Variants in DSE observed in about 807,000 individuals in gnomAD.
The protein encoded by DSE is dermatan-sulfate epimerase.
In DSE, 36 loss-of-function variants were observed where a neutral mutation model predicts 84.4. The observed-to-expected ratio is 0.43, with a 90% CI of 0.33 to 0.56. The LOEUF (loss-of-function observed/expected upper bound fraction) is 0.56, where lower values mean the gene tolerates loss of function less well. Among genes scored for constraint, DSE ranks in the 20% least tolerant of loss-of-function variants. The pLI, the probability that DSE is intolerant of heterozygous loss-of-function variation, is 0.06. For synonymous variants in DSE, 410 were observed against 430.1 expected (o/e 0.95, Z 0.58); for missense variants, 862 against 1,169.6 (o/e 0.74, Z 3.84).
intron 1 of DSE, among the ~76,000 whole-genome samples, chr6:116,258,067 G>C (rs1365365176): frequency 2.0e-5 from 3 of 152,164 alleles, no homozygotes; most frequent in Non-Finnish European, 2.9e-5. Flanking sequence ...CAGCCAGGCT[G>C]GAGTGCAGTG....
intron 2 of DSE, among the ~76,000 whole-genome samples, chr6:116,299,439 C>A (rs1180390473): frequency 6.7e-6 from 1 of 148,248 alleles, no homozygotes. Flanking sequence ...AAGAAAGTGC[C>A]CCAAAGGTAT....
At chr6:116,357,937 G>A (rs192108999) in intron 2 of DSE, among the ~76,000 whole-genome samples, 39 of 152,308 alleles carry the variant, frequency 2.6e-4, no homozygotes, top group Non-Finnish European at 1.5e-5. Context: ...GTCAAGTATA[G>A]AATTTATAGG....
rs932182945 is a variant in DSE at position 116,437,567 on chromosome 6, G to A, written c.*222G>A. ...GCTTGGTGGTCCTATGGTGTTTTTG[G>A]AAGTATTTGGCATTGCTAATTGAGC... is the stretch of plus-strand genomic sequence containing the variant. On this transcript the variant is annotated 3_prime_UTR_variant, in exon 6 of 6. Transcript: ENST00000644252. The A allele has an allele frequency of 8.3e-6, 4 of 482,334 alleles. No individual in the cohort carries two copies. Among genetic ancestry groups the A allele is most frequent in the Non-Finnish European group, 1.4e-5 (4 of 277,956 alleles). 29.9% of individuals were successfully genotyped at this position (482,334 alleles called of 1,614,324 possible).
intron 2 of DSE, among the ~76,000 whole-genome samples, chr6:116,408,692 A>C (rs112695797): frequency 2.6e-4 from 40 of 152,314 alleles, no homozygotes; most frequent in African/African-American, 9.4e-4. Context: ...AGTAGGAAGA[A>C]TGTCAGGATT....
intron 5 of DSE, among the ~76,000 whole-genome samples, chr6:116,434,407 G>A (rs1395949536): frequency 6.6e-6 from 1 of 151,882 alleles, no homozygotes; most frequent in Non-Finnish European, 1.5e-5. Context: ...GTAAAATGGT[G>A]TCTATAGTTT....
rs376314468 is a variant in DSE, at chr6:116,265,587, C to T, written c.-54+6620C>T. The stretch of plus-strand genomic sequence containing the variant: ...GGCTGGCACATGGCTGTAGTGGCCA[C>T]CCCACTGGAGCTCCCTGCTGGTTAA... On this transcript the variant is annotated intron_variant, in intron 2 of 3. Transcript: ENST00000430252. Among the ~76,000 whole-genome samples, 237 of 152,142 alleles carry T rather than the reference C, an allele frequency of 1.6e-3. 1 individual carries two copies. The highest frequency in any genetic ancestry group is 5.4e-3 in the African/African-American group (224 of 41,494).
intron 1 of DSE, among the ~76,000 whole-genome samples, chr6:116,372,585 A>G (rs113347943): frequency 1.3e-5 from 2 of 152,360 alleles, no homozygotes; most frequent in African/African-American, 4.8e-5. Flanking sequence ...GAAGAAAATA[A>G]AATATAGGAT....
chr6:116,432,618 T>G (rs554671007), intron 4 of DSE: 1 of 149,114 alleles, frequency 6.7e-6, no homozygotes, highest in East Asian at 2.0e-4. Context: ...ATTTCTCTCT[T>G]TTTTTTTTTT....
chr6:116,348,375 C>T (rs1188890442), intron 2 of DSE, among the ~76,000 whole-genome samples: 3 of 151,160 alleles, frequency 2.0e-5, no homozygotes, highest in Non-Finnish European at 4.4e-5. Context: ...TGAAGTGAGC[C>T]GAGATCGTGC....
At chr6:116,425,712 T>A (rs1007578617) in intron 2 of DSE, among the ~76,000 whole-genome samples, 1 of 149,980 alleles carries the variant, frequency 6.7e-6, no homozygotes, top group Non-Finnish European at 1.5e-5. Flanking sequence ...AAGCTCCGCC[T>A]CCCAGGTTCA....
intron 2 of DSE, among the ~76,000 whole-genome samples, chr6:116,418,264 T>C (rs944725287): frequency 3.9e-5 from 6 of 152,150 alleles, no homozygotes; most frequent in Non-Finnish European, 8.8e-5. Flanking sequence ...CCTTGAGGTA[T>C]TGGAAACTTG....
Position 116,439,397 on chromosome 6 carries a change from G to T in DSE, c.*2052G>T, listed in dbSNP as rs190530016. On this transcript the variant is annotated 3_prime_UTR_variant, in exon 6 of 6. Transcript: ENST00000644252. Reference sequence around the variant, plus strand: ...TTTTAAAGTAGTCTTTTTAAAATACGCATCTTTAAAACAAAATGAATTAAA... The same window carrying T: ...TTTTAAAGTAGTCTTTTTAAAATACTCATCTTTAAAACAAAATGAATTAAA... The T allele has an allele frequency of 4.0e-5, 6 of 150,880 alleles. No homozygotes were observed. The highest frequency in any genetic ancestry group is 1.5e-4 in the African/African-American group (6 of 41,060). 9.3% of individuals were successfully genotyped at this position (150,880 alleles called of 1,614,324 possible).
chr6:116,301,931 C>T (rs1775065966), intron 2 of DSE, among the ~76,000 whole-genome samples: 1 of 152,142 alleles, frequency 6.6e-6, no homozygotes, highest in Non-Finnish European at 1.5e-5. Flanking sequence ...TGGTGGTTTC[C>T]AGCTTCATCC....
At chr6:116,302,279 A>G (rs545079156) in intron 2 of DSE, among the ~76,000 whole-genome samples, 113 of 152,344 alleles carry the variant, frequency 7.4e-4, no homozygotes, top group African/African-American at 2.7e-3. Flanking sequence ...CTATTTCTCC[A>G]CATCCTCTCC....
chr6:116,372,032 T>C (rs982154426), intron 1 of DSE, among the ~76,000 whole-genome samples: 3 of 152,238 alleles, frequency 2.0e-5, no homozygotes, highest in African/African-American at 7.2e-5. Context: ...TAAAGTTCTT[T>C]TTAAAAATTT....
intron 2 of DSE, among the ~76,000 whole-genome samples, chr6:116,315,866 T>C (rs1775943766): frequency 1.3e-5 from 2 of 152,118 alleles, no homozygotes; most frequent in African/African-American, 4.8e-5. Context: ...GATGCATGCC[T>C]GTAATCCCAG....
intron 2 of DSE, among the ~76,000 whole-genome samples, chr6:116,410,697 G>A (rs1315116907): frequency 8.0e-6 from 1 of 124,514 alleles, no homozygotes; most frequent in Non-Finnish European, 1.6e-5. Context: ...TCGCTCCACT[G>A]CACTCCAGCC....
intron 1 of DSE, among the ~76,000 whole-genome samples, chr6:116,371,349 A>T (rs1417466370): frequency 6.6e-6 from 1 of 152,064 alleles, no homozygotes; most frequent in East Asian, 1.9e-4. Context: ...CCGGCGGCGG[A>T]GCAGCCTCGA....
intron 1 of DSE, among the ~76,000 whole-genome samples, chr6:116,379,863 A>G (rs1446175988): frequency 2.0e-5 from 3 of 152,186 alleles, no homozygotes; most frequent in African/African-American, 7.2e-5. Context: ...TTGTTGGACC[A>G]CTTCCAATAT....
Sources: allele counts gnomAD v4.1 joint callset (sites outside exome capture counted in the v4.1 genomes callset), GRCh38; gene constraint gnomAD v4.1.1; transcripts MANE v1.5; gene names NCBI Gene and HGNC (gene_info 2026-07-23, HGNC 2026-07-21).